The following TMPRSS9 variants were observed in gnomAD, a reference collection of about 807,000 sequenced individuals.
TMPRSS9 encodes transmembrane serine protease 9.
TMPRSS9 carries 113 observed loss-of-function variants against 111.4 expected under a neutral mutation model. The observed-to-expected ratio is 1.01, with a 90% CI of 0.87 to 1.19. The LOEUF (loss-of-function observed/expected upper bound fraction) is 1.19, where lower values mean the gene tolerates loss of function less well. Among genes scored for constraint, TMPRSS9 ranks in the 50% most tolerant of loss-of-function variants. The pLI is 0.00. For synonymous variants in TMPRSS9, 805 were observed against 659.1 expected, an observed-to-expected ratio of 1.22 and a Z score of -3.39; for missense variants, 1,803 against 1,513.1, an observed-to-expected ratio of 1.19 and a Z score of -3.18.
rs1432791076 is a variant in TMPRSS9, at chr19:2,363,803, T to TGTGCGC, written c.-26+3444_-26+3445insTGCGCG. Among the ~76,000 whole-genome samples the TGTGCGC allele has an allele frequency of 1.4e-3, 162 of 116,636 alleles. 3 individuals carry two copies. The highest frequency in any genetic ancestry group is 4.9e-3 in the African/African-American group (146 of 29,992). 76.5% of individuals were successfully genotyped at this position (116,636 alleles called of 152,430 possible). Reference sequence around the variant, plus strand: ...CTCTGTGTGTGAGTGTGTGTGTGTGTGCGTGCGCGCGTGTGTGTGTGAGAG... The same window carrying TGTGCGC: ...CTCTGTGTGTGAGTGTGTGTGTGTGTGTGCGCGCGTGCGCGCGTGTGTGTGTGAGAG... On this transcript the variant is annotated intron_variant, in intron 1 of 17. Transcript: ENST00000649857.
At chr19:2,362,808 ATGTGGTTGTGTGAGG>A (rs1268323990) in intron 1 of TMPRSS9, among the ~76,000 whole-genome samples, 1 of 150,432 alleles carries the variant, frequency 6.6e-6, no homozygotes, top group East Asian at 2.0e-4. Flanking sequence ...GTGTGGTTGT[ATGTGGTTGTGTGAGG>A]TGTGTTTTGT....
rs1168042216 is a variant in TMPRSS9, at chr19:2,360,281, C to A, written c.-105C>A. On this transcript the variant is annotated 5_prime_UTR_variant, in exon 1 of 18. Transcript: ENST00000649857. ...GATCCGGGCAGTAGCGGTGCAGCCT[C>A]GTCGTCCGGAGCGCGGTGAGTCGGG... 3.3e-5 allele frequency among the ~76,000 whole-genome samples: 5 copies of A among 152,270 alleles called. No homozygotes were observed. The East Asian group carries it at 9.7e-4, about 29-fold the overall frequency.
chr19:2,409,692 T>G lies in TMPRSS9; in HGVS notation c.1118-566T>G, dbSNP rs187293254. ...AGGCAAATTCTGCAGGGACAAGCATTTCAGACAGCGGGAACAGCATGTGCA... is the reference window on the plus strand; with the variant it reads ...AGGCAAATTCTGCAGGGACAAGCATGTCAGACAGCGGGAACAGCATGTGCA... On this transcript the variant is annotated intron_variant, in intron 8 of 17. Coordinates refer to ENST00000648592, the Ensembl canonical transcript of TMPRSS9. Among the ~76,000 whole-genome samples, 437 of 151,884 alleles carry G rather than the reference T, an allele frequency of 2.9e-3. 2 individuals are homozygous for G. The highest frequency in any genetic ancestry group is 0.01 in the Middle Eastern group (3 of 294).
intron 2 of TMPRSS9, among the ~76,000 whole-genome samples, chr19:2,397,638 G>A (rs1427461902): frequency 2.0e-5 from 3 of 152,076 alleles, no homozygotes; most frequent in African/African-American, 4.8e-5. Flanking sequence ...CACTCCAGGC[G>A]GGCACGGTGG....
chr19:2,361,867 C>T (rs1353744668), intron 1 of TMPRSS9, among the ~76,000 whole-genome samples: 6 of 152,018 alleles, frequency 3.9e-5, no homozygotes, highest in South Asian at 2.1e-4. Flanking sequence ...TGGTGGCCAC[C>T]GCCTTGCAGA....
intron 1 of TMPRSS9, among the ~76,000 whole-genome samples, chr19:2,382,534 A>G (rs935782795): frequency 6.6e-6 from 1 of 152,198 alleles, no homozygotes; most frequent in Non-Finnish European, 1.5e-5. Context: ...TCAGAGAAAC[A>G]GGACCAATTG....
Position 2,409,030 on chromosome 19 carries a change from A to AATAATAATG in TMPRSS9, c.1117+402_1117+403insAATAATGAT, listed in dbSNP as rs1430224737. Among the ~76,000 whole-genome samples the AATAATAATG allele has an allele frequency of 4.3e-3, 545 of 125,308 alleles. 2 individuals are homozygous for AATAATAATG. The highest frequency in any genetic ancestry group is 6.5e-3 in the Non-Finnish European group (394 of 60,922). 82.2% of individuals were successfully genotyped at this position (125,308 alleles called of 152,430 possible). On this transcript the variant is annotated intron_variant, in intron 8 of 17. Coordinates refer to ENST00000648592, the Ensembl canonical transcript of TMPRSS9. ...TAATAATAATAATAATAATAATAAT[A>AATAATAATG]ATGATGATGCAGAAAAACACAGTGG...
chr19:2,413,877 C>G, exon 10 of TMPRSS9: 1 of 1,613,604 alleles, frequency 6.2e-7, no homozygotes, highest in Non-Finnish European at 8.5e-7. Context: ...GCCTCTGGCC[C>G]CCACCATGGC....
intron 1 of TMPRSS9, among the ~76,000 whole-genome samples, chr19:2,364,681 C>T (rs990302979): frequency 4.6e-5 from 7 of 152,082 alleles, no homozygotes; most frequent in Non-Finnish European, 2.9e-5. Context: ...ACACCTTTGA[C>T]CACAGAACAA....
At position 2,396,641 on chromosome 19, in the gene TMPRSS9, C is replaced by T. The variant is rs146586207; in HGVS notation, c.245C>T (p.Thr82Met). 83 of 1,607,622 alleles carry T rather than the reference C, an allele frequency of 5.2e-5. No individual in the cohort carries two copies. In the East Asian group the frequency reaches 6.0e-4, roughly 12 times the overall value. ...CGGGAGACCTCGGACTATCACCGCA[C>T]GCTGACGCCCACCCTGGAGGCACTG... The change falls in exon 2 of 18, where the codon ACG (threonine) becomes ATG (methionine). Residue 82 changes from threonine (T) to methionine (M), a missense_variant. Coordinates refer to ENST00000648592, the Ensembl canonical transcript of TMPRSS9.
Position 2,390,767 on chromosome 19 carries a change from C to T in TMPRSS9, c.142+840C>T, listed in dbSNP as rs189195383. 7.0e-4 allele frequency among the ~76,000 whole-genome samples: 106 copies of T among 151,272 alleles called. 1 individual carries two copies. In the East Asian group the frequency reaches 0.016, roughly 23 times the overall value. ...ACTCAGGAGGCTGAGGCAGGAGAAT[C>T]GCTTGAACCTGGGAGGCAGAGGTTG... On this transcript the variant is annotated intron_variant, in intron 1 of 17. Coordinates refer to ENST00000648592, the Ensembl canonical transcript of TMPRSS9.
At chr19:2,421,748 C>T (rs143404617) in intron 13 of TMPRSS9, 106 bp from the exon 15 acceptor site, 1 of 1,317,368 alleles carries the variant, frequency 7.6e-7, no homozygotes, top group African/African-American at 1.5e-5. Flanking sequence ...CCTCTGCCCC[C>T]CGCCCTCGAT....
At chr19:2,425,993 A>AGCTGGGGCTATGGCTGTG (rs758506179) in exon 18 of TMPRSS9, 3 of 1,606,876 alleles carry the variant, frequency 1.9e-6, no homozygotes, top group Non-Finnish European at 2.5e-6. Context: ...TGGGGTCACT[A>AGCTGGGGCTATGGCTGTG]GCTGGGGCTA....
At chr19:2,368,515 C>T (rs1019004488) in intron 1 of TMPRSS9, among the ~76,000 whole-genome samples, 9 of 152,020 alleles carry the variant, frequency 5.9e-5, no homozygotes, top group Admixed American at 2.0e-4. Context: ...ACAGTTAGAC[C>T]CGGTCGCTGT....
chr19:2,362,447 G>A (rs1456896208), intron 1 of TMPRSS9, among the ~76,000 whole-genome samples: 1 of 152,038 alleles, frequency 6.6e-6, no homozygotes, highest in African/African-American at 2.4e-5. Context: ...GTGAGACCGT[G>A]TATGGTTGTG....
intron 9 of TMPRSS9, among the ~76,000 whole-genome samples, chr19:2,412,388 A>T (rs139734823): frequency 0.014 from 2,105 of 152,252 alleles, 45 homozygotes; most frequent in African/African-American, 0.048. Flanking sequence ...TGAGTGACAG[A>T]GTGAGACGCC....
chr19:2,361,373 G>GC (rs1970196643), intron 1 of TMPRSS9, among the ~76,000 whole-genome samples: 4 of 143,296 alleles, frequency 2.8e-5, no homozygotes, highest in Admixed American at 6.9e-5. Context: ...GGGGTGGGAG[G>GC]GGGGGCTGGG....
At chr19:2,391,540 G>A (rs139152609) in intron 1 of TMPRSS9, among the ~76,000 whole-genome samples, 200 of 151,748 alleles carry the variant, frequency 1.3e-3, no homozygotes, top group African/African-American at 4.7e-3. Flanking sequence ...GTGCACACGT[G>A]TTCATTTGCA....
Position 2,382,293 on chromosome 19 carries a change from C to T in TMPRSS9, c.-25-7468C>T, listed in dbSNP as rs376600870. Among the ~76,000 whole-genome samples, 18 of 128,572 alleles carry T rather than the reference C, an allele frequency of 1.4e-4. No individual in the cohort carries two copies. The East Asian group carries it at 1.5e-3, about 11-fold the overall frequency. 84.3% of individuals were successfully genotyped at this position (128,572 alleles called of 152,430 possible). A position where few individuals can be genotyped will look rare whatever the true frequency, so the allele number is the denominator to read the frequency against. On this transcript the variant is annotated intron_variant, in intron 1 of 17. Transcript: ENST00000649857. ...CCAAGAAACCATGTGCCACCATGCC[C>T]GGCTAATTTTTTTATTTTGGTAGAG... is the stretch of plus-strand genomic sequence containing the variant.
Sources: allele counts gnomAD v4.1 joint callset (sites outside exome capture counted in the v4.1 genomes callset), GRCh38; gene constraint gnomAD v4.1.1; transcripts MANE v1.5; gene names NCBI Gene and HGNC (gene_info 2026-07-23, HGNC 2026-07-21).